Variants in TOMM70 observed in about 807,000 individuals in gnomAD.
The protein encoded by TOMM70 is mitochondrial import receptor subunit TOM70.
Under a neutral mutation model 73.6 loss-of-function variants are expected in TOMM70, and 13 were observed. That is an observed-to-expected ratio of 0.18 (90% CI 0.11 to 0.28). The LOEUF (loss-of-function observed/expected upper bound fraction) is 0.28, where lower values mean the gene tolerates loss of function less well. Ranked by LOEUF, TOMM70 falls within the 10% of genes least tolerant of loss-of-function variation. The probability of loss-of-function intolerance (pLI) is 1.00; values close to 1 mark genes in which losing one functional copy is unlikely to be tolerated. For synonymous variants in TOMM70, 257 were observed against 271.2 expected, an observed-to-expected ratio of 0.95 and a Z score of 0.51; for missense variants, 609 against 747.5, an observed-to-expected ratio of 0.81 and a Z score of 2.16.
chr3:100,372,445 T>G, intron 9 of TOMM70, 161 bp downstream of exon 9: 1 of 544,606 alleles, frequency 1.8e-6, no homozygotes, highest in Non-Finnish European at 3.2e-6. Context: ...GAGCCTCTTC[T>G]GAGGTGATTC....
chr3:100,369,447 A>C (rs1706484522), intron 9 of TOMM70, among the ~76,000 whole-genome samples: 1 of 151,970 alleles, frequency 6.6e-6, no homozygotes, highest in Non-Finnish European at 1.5e-5. Context: ...ACATTCTCAT[A>C]GGTACAGTCA....
In TOMM70 at chr3:100,373,530, G is replaced by T; in HGVS notation, c.1335+8C>A. 1 of 1,592,786 alleles carries T rather than the reference G, an allele frequency of 6.3e-7. No homozygotes were observed. Among genetic ancestry groups the T allele is most frequent in the Non-Finnish European group, 8.5e-7 (1 of 1,170,178 alleles). On this transcript the variant is annotated splice_region_variant and intron_variant, in intron 8 of 11. Transcript: ENST00000284320. ...GTTTAGGAAAATACAAAAGAAAGTA[G>T]TACCTACCAATGCAAAACATTTCTG...
At chr3:100,386,093 A>G (rs1706688803) in intron 3 of TOMM70, 125 bp downstream of exon 3, 12 of 1,032,000 alleles carry the variant, frequency 1.2e-5, no homozygotes, top group Non-Finnish European at 1.7e-5. Flanking sequence ...CACAATCTTA[A>G]GTGCAAAGGA....
At chr3:100,373,446 A>G in intron 8 of TOMM70, 92 bp downstream of exon 8, 1 of 1,029,362 alleles carries the variant, frequency 9.7e-7, no homozygotes, top group Non-Finnish European at 1.4e-6. Context: ...AGAAAGAAAA[A>G]GACGACTTTG....
chr3:100,378,480 C>T (rs1247671347), intron 5 of TOMM70, among the ~76,000 whole-genome samples: 1 of 152,044 alleles, frequency 6.6e-6, no homozygotes, highest in Admixed American at 6.6e-5. Context: ...GCAGCAGAGT[C>T]CTGGGTAATA....
intron 4 of TOMM70, among the ~76,000 whole-genome samples, 171 bp downstream of exon 4, chr3:100,384,308 T>C (rs534352781): frequency 6.6e-6 from 1 of 152,266 alleles, no homozygotes; most frequent in Non-Finnish European, 1.5e-5. Context: ...ATATTCTTAC[T>C]GAAGAAGGAC....
intron 1 of TOMM70, among the ~76,000 whole-genome samples, chr3:100,388,251 A>C (rs10936180): frequency 0.15 from 22,755 of 152,162 alleles, 3,148 homozygotes; most frequent in East Asian, 0.49. Context: ...ACCCACAATA[A>C]AGCAAAACTA....
chr3:100,394,469 A>G (rs181682595), intron 1 of TOMM70, among the ~76,000 whole-genome samples: 102 of 152,050 alleles, frequency 6.7e-4, no homozygotes, highest in South Asian at 5.0e-3. Context: ...ATGAGAAACA[A>G]TGTTTCAATA....
chr3:100,366,005 T>C (rs980922397), intron 11 of TOMM70, among the ~76,000 whole-genome samples: 3 of 152,266 alleles, frequency 2.0e-5, no homozygotes, highest in African/African-American at 7.2e-5. Flanking sequence ...TATTCTGTGT[T>C]TACTGATAAG....
intron 1 of TOMM70, among the ~76,000 whole-genome samples, chr3:100,398,946 C>T (rs946918815): frequency 6.6e-6 from 1 of 152,154 alleles, no homozygotes; most frequent in Non-Finnish European, 1.5e-5. Flanking sequence ...TTTGTTCATT[C>T]CTACACCAAA....
In TOMM70 at chr3:100,364,500, A is replaced by G. The variant is rs930795844; in HGVS notation, c.*1064T>C. On this transcript the variant is annotated 3_prime_UTR_variant, in exon 12 of 12. Coordinates refer to ENST00000284320, the MANE Select transcript of TOMM70 (RefSeq NM_014820.5). ...TACTCCCATATATCACACTTACTCT[A>G]CCTTTATTTGGGTTTTACATACAAG... is the stretch of plus-strand genomic sequence containing the variant. The G allele has an allele frequency of 6.6e-6, 1 of 152,046 alleles. No individual in the cohort carries two copies. The highest frequency in any genetic ancestry group is 1.5e-5 in the Non-Finnish European group (1 of 67,998). The allele number at this position is 152,046 out of a possible 1,614,324, so 9.4% of individuals were successfully genotyped here. A position where few individuals can be genotyped will look rare whatever the true frequency, so the allele number is the denominator to read the frequency against.
intron 10 of TOMM70, 141 bp from the exon 11 acceptor site, chr3:100,368,307 A>G: frequency 9.4e-7 from 1 of 1,066,636 alleles, no homozygotes; most frequent in Middle Eastern, 2.2e-4. Flanking sequence ...ATCAGCATCA[A>G]ATTGTGTTTT....
At chr3:100,391,252 TTA>T (rs1420527469) in intron 1 of TOMM70, among the ~76,000 whole-genome samples, 5 of 152,198 alleles carry the variant, frequency 3.3e-5, no homozygotes, top group African/African-American at 1.2e-4. Context: ...ATACTTTTTG[TTA>T]TGTTAGTATA....
intron 1 of TOMM70, among the ~76,000 whole-genome samples, chr3:100,398,279 G>A (rs111454991): frequency 3.3e-5 from 5 of 151,770 alleles, no homozygotes; most frequent in African/African-American, 1.2e-4. Context: ...AGCTACTCAG[G>A]AGGCTGAGGC....
intron 9 of TOMM70, among the ~76,000 whole-genome samples, chr3:100,369,465 T>G (rs1706484665): frequency 3.3e-5 from 5 of 152,060 alleles, no homozygotes. Flanking sequence ...TCACATCACT[T>G]ATTCATAATT....
In TOMM70 at chr3:100,369,112, A is replaced by G. The variant is rs1347956959; in HGVS notation, c.1476T>C (p.Phe492=). The G allele has an allele frequency of 9.9e-6, 16 of 1,613,350 alleles. No individual in the cohort carries two copies. The highest frequency in any genetic ancestry group is 1.4e-5 in the Non-Finnish European group (16 of 1,179,716). ...TATCATACATTTCATCAGCTTTACC[A>G]AACTGTTGTTGATCTGTTAATGCCT... ...YAQALTDQQQ[F]GKADEMYDKC... Residue 492 remains phenylalanine, a synonymous_variant, in exon 10 of 12, where the codon TTT becomes TTC. Transcript: ENST00000284320.
At chr3:100,368,525 C>T (rs531436881) in intron 10 of TOMM70, among the ~76,000 whole-genome samples, 11 of 152,236 alleles carry the variant, frequency 7.2e-5, no homozygotes, top group Non-Finnish European at 1.3e-4. Flanking sequence ...ACAGGATGTT[C>T]AGTTTGAAAT....
chr3:100,379,403 C>T (rs1371346589), intron 5 of TOMM70, among the ~76,000 whole-genome samples: 1 of 152,112 alleles, frequency 6.6e-6, no homozygotes, highest in Non-Finnish European at 1.5e-5. Flanking sequence ...GTGGGAGGAT[C>T]ACCTGGGCCC....
At chr3:100,400,259 A>G (rs1161520103) in intron 1 of TOMM70, among the ~76,000 whole-genome samples, 1 of 152,202 alleles carries the variant, frequency 6.6e-6, no homozygotes, top group African/African-American at 2.4e-5. Flanking sequence ...GAAATCACAG[A>G]AACAGTTCGT....
Sources: allele counts gnomAD v4.1 joint callset (sites outside exome capture counted in the v4.1 genomes callset), GRCh38; gene constraint gnomAD v4.1.1; transcripts MANE v1.5; gene names NCBI Gene and HGNC (gene_info 2026-07-23, HGNC 2026-07-21).